Variants in SCAPER observed in about 807,000 individuals in gnomAD.
SCAPER encodes the protein S-phase cyclin A associated protein in the ER.
SCAPER carries 98 observed loss-of-function variants against 182.2 expected under a neutral mutation model. The ratio of observed to expected loss-of-function variants is 0.54; its 90% CI spans 0.46 to 0.64. SCAPER has a LOEUF of 0.64. Among genes scored for constraint, SCAPER ranks in the 30% least tolerant of loss-of-function variants. SCAPER has a pLI of 0.00. For missense variants in SCAPER, 1,432 were observed against 1,690.0 expected (o/e 0.85, Z 2.68); for synonymous variants, 605 against 564.6 (o/e 1.07, Z -1.01).
intron 27 of SCAPER, among the ~76,000 whole-genome samples, chr15:76,391,585 G>A (rs2043701886): frequency 6.6e-6 from 1 of 152,194 alleles, no homozygotes; most frequent in Non-Finnish European, 1.5e-5. Context: ...AGAGAAAGAA[G>A]AACATGAGAT....
rs971671631 is a variant in SCAPER, at chr15:76,684,172, T to A, written c.2508+17586A>T. On this transcript the variant is annotated intron_variant, in intron 20 of 31. Transcript: ENST00000563290. ...CAGCCAGGCAATCAAGTCTGCATAA[T>A]AACCAACTAACACCATGATGACAGG... 1.3e-4 allele frequency among the ~76,000 whole-genome samples: 19 copies of A among 151,806 alleles called. 1 individual carries two copies. Among genetic ancestry groups the A allele is most frequent in the African/African-American group, 4.1e-4 (17 of 41,420 alleles).
chr15:76,770,660 CTTAT>C (rs937718965), intron 10 of SCAPER, among the ~76,000 whole-genome samples: 1 of 151,974 alleles, frequency 6.6e-6, no homozygotes, highest in African/African-American at 2.4e-5. Flanking sequence ...TTATTTCATG[CTTAT>C]TTAAGGATGA....
intron 22 of SCAPER, among the ~76,000 whole-genome samples, chr15:76,612,121 C>T (rs947534460): frequency 5.9e-5 from 9 of 152,086 alleles, no homozygotes; most frequent in African/African-American, 1.2e-4. Context: ...AATAAATAAA[C>T]GGTATTCAAA....
At chr15:76,587,198 A>G (rs2048731899) in intron 22 of SCAPER, among the ~76,000 whole-genome samples, 1 of 151,888 alleles carries the variant, frequency 6.6e-6, no homozygotes, top group African/African-American at 2.4e-5. Context: ...CCCAATCAAT[A>G]GAATGGTCTG....
At chr15:76,395,978 G>A (rs2044024129) in intron 27 of SCAPER, among the ~76,000 whole-genome samples, 1 of 152,030 alleles carries the variant, frequency 6.6e-6, no homozygotes. Context: ...ATAGTTTTGA[G>A]GTCTTAAAGT....
chr15:76,698,765 TGAATTTTA>T (rs2147223766), intron 20 of SCAPER, among the ~76,000 whole-genome samples: 1 of 152,360 alleles, frequency 6.6e-6, no homozygotes, highest in Non-Finnish European at 1.5e-5. Context: ...TGGTTCCATA[TGAATTTTA>T]GAATAGTTTT....
intron 23 of SCAPER, among the ~76,000 whole-genome samples, chr15:76,535,653 T>C (rs780233858): frequency 2.7e-5 from 4 of 149,590 alleles, no homozygotes. Context: ...AACATACAGG[T>C]ATTGCTGGCC....
chr15:76,627,171 T>C (rs981725748), intron 21 of SCAPER, among the ~76,000 whole-genome samples: 4 of 152,210 alleles, frequency 2.6e-5, no homozygotes, highest in African/African-American at 9.7e-5. Flanking sequence ...GTGGGATATA[T>C]GTATGCTCCA....
chr15:76,844,637 C>A (rs2069858081), intron 4 of SCAPER, among the ~76,000 whole-genome samples: 1 of 152,092 alleles, frequency 6.6e-6, no homozygotes, highest in African/African-American at 2.4e-5. Context: ...AATTCCAAGA[C>A]ACATACCACC....
chr15:76,697,077 G>C (rs976900476), intron 20 of SCAPER, among the ~76,000 whole-genome samples: 1 of 152,002 alleles, frequency 6.6e-6, no homozygotes, highest in Non-Finnish European at 1.5e-5. Context: ...TAGGTCAGAG[G>C]TAATATAAAT....
chr15:76,731,321 A>G (rs2060909166), intron 16 of SCAPER, among the ~76,000 whole-genome samples: 1 of 152,196 alleles, frequency 6.6e-6, no homozygotes, highest in African/African-American at 2.4e-5. Context: ...TATGCCTACA[A>G]TTCAAATGAT....
intron 20 of SCAPER, among the ~76,000 whole-genome samples, chr15:76,667,314 G>C (rs2056651062): frequency 6.6e-6 from 1 of 152,090 alleles, no homozygotes; most frequent in Admixed American, 6.6e-5. Flanking sequence ...CTCATTGGCT[G>C]CTCCTTCTAA....
chr15:76,896,514 G>A (rs1270057484), intron 1 of SCAPER, among the ~76,000 whole-genome samples: 2 of 152,040 alleles, frequency 1.3e-5, no homozygotes, highest in Admixed American at 6.5e-5. Context: ...TTCATGAACT[G>A]GAAAAAATTA....
chr15:76,609,928 G>A (rs939873074), intron 22 of SCAPER, among the ~76,000 whole-genome samples: 3 of 152,070 alleles, frequency 2.0e-5, no homozygotes, highest in African/African-American at 7.2e-5. Context: ...ATAAGAGTTG[G>A]GTTTTCCCAT....
At chr15:76,512,831 C>G (rs1034823399) in intron 23 of SCAPER, among the ~76,000 whole-genome samples, 24 of 141,184 alleles carry the variant, frequency 1.7e-4, no homozygotes, top group African/African-American at 6.4e-4. Context: ...CTATTGGAAA[C>G]TGAAGTTTCA....
chr15:76,462,415 T>G (rs755904702), intron 25 of SCAPER, among the ~76,000 whole-genome samples: 2 of 152,206 alleles, frequency 1.3e-5, no homozygotes, highest in Non-Finnish European at 2.9e-5. Context: ...GTGGATTCTT[T>G]CAAATTTGAT....
At chr15:76,603,664 C>T (rs960922996) in intron 22 of SCAPER, among the ~76,000 whole-genome samples, 4 of 121,248 alleles carry the variant, frequency 3.3e-5, no homozygotes, top group African/African-American at 1.0e-4. Context: ...AAAAGTGTTC[C>T]TATTTCTCCA....
chr15:76,361,007 A>G (rs1233443395), intron 29 of SCAPER, among the ~76,000 whole-genome samples: 3 of 151,426 alleles, frequency 2.0e-5, no homozygotes, highest in Admixed American at 1.3e-4. Flanking sequence ...ACTTGGTGTT[A>G]CCCAAAATTT....
intron 22 of SCAPER, among the ~76,000 whole-genome samples, chr15:76,581,624 T>C (rs1343140880): frequency 6.6e-6 from 1 of 152,214 alleles, no homozygotes; most frequent in African/African-American, 2.4e-5. Context: ...TCTCGCTCTG[T>C]TGCCCAGGCT....
Sources: allele counts gnomAD v4.1 joint callset (sites outside exome capture counted in the v4.1 genomes callset), GRCh38; gene constraint gnomAD v4.1.1; transcripts MANE v1.5; gene names NCBI Gene and HGNC (gene_info 2026-07-23, HGNC 2026-07-21).